SNTG2: variants seen among roughly 807,000 people sequenced by gnomAD.
SNTG2 encodes syntrophin gamma 2.
In SNTG2, 74 loss-of-function variants were observed where a neutral mutation model predicts 70.9. The ratio of observed to expected loss-of-function variants is 1.04; its 90% CI spans 0.86 to 1.27. SNTG2 has a LOEUF of 1.27. Ranked by LOEUF, SNTG2 falls within the 50% of genes most tolerant of loss-of-function variation. The pLI is 0.00. For missense variants in SNTG2, 717 were observed against 690.7 expected (o/e 1.04, Z -0.43); for synonymous variants, 278 against 273.8 (o/e 1.02, Z -0.15).
At chr2:1,016,771 A>G (rs1659907734) in intron 1 of SNTG2, among the ~76,000 whole-genome samples, 1 of 152,248 alleles carries the variant, frequency 6.6e-6, no homozygotes, top group Non-Finnish European at 1.5e-5. Context: ...TGTGTGACAC[A>G]TATTCACTTT....
At chr2:1,307,720 C>A (rs1680765051) in intron 14 of SNTG2, among the ~76,000 whole-genome samples, 1 of 152,204 alleles carries the variant, frequency 6.6e-6, no homozygotes, top group Admixed American at 6.5e-5. Flanking sequence ...CGTCTGGAGT[C>A]GCATGAAAAC....
chr2:1,006,312 T>TA (rs554375122), intron 1 of SNTG2, among the ~76,000 whole-genome samples: 4,321 of 150,734 alleles, frequency 0.029, 80 homozygotes, highest in South Asian at 0.066. Context: ...AAGGTATAAT[T>TA]AAAAAAAAGA....
intron 6 of SNTG2, among the ~76,000 whole-genome samples, chr2:1,140,480 C>T (rs1668671808): frequency 6.6e-6 from 1 of 152,170 alleles, no homozygotes; most frequent in Non-Finnish European, 1.5e-5. Flanking sequence ...TGGGATGTCT[C>T]GGGGGCGGGC....
At chr2:1,143,091 G>A (rs1285023464) in intron 6 of SNTG2, among the ~76,000 whole-genome samples, 1 of 152,162 alleles carries the variant, frequency 6.6e-6, no homozygotes, top group East Asian at 1.9e-4. Flanking sequence ...GGGGAGGAAG[G>A]GGAAGGAAAG....
chr2:1,117,387 A>T (rs545007976), intron 4 of SNTG2, among the ~76,000 whole-genome samples: 1 of 152,286 alleles, frequency 6.6e-6, no homozygotes, highest in African/African-American at 2.4e-5. Context: ...ATTTTAATAG[A>T]AACAACTTTT....
rs985837025 is a variant in SNTG2, at chr2:1,161,376, GAGAGAT to G, written c.412-4166_412-4161del. ...CTTTTAGATGCTGTGTTGAGAGAGA[GAGAGAT>G]AGAGAGAGAGACAGAAAAGGGGAAA... On this transcript the variant is annotated intron_variant, in intron 6 of 16. Transcript: ENST00000308624. 279 of 75,506 alleles carry G rather than the reference GAGAGAT, an allele frequency of 3.7e-3. 2 individuals are homozygous for G. The highest frequency in any genetic ancestry group is 9.0e-3 in the African/African-American group (267 of 29,602). The allele number at this position is 75,506 out of a possible 1,614,324, so 4.7% of individuals were successfully genotyped here. A position where few individuals can be genotyped will look rare whatever the true frequency, so the allele number is the denominator to read the frequency against.
rs529957221 is a variant in SNTG2, at chr2:1,115,238, A to G, written c.325+16828A>G. 7.6e-5 allele frequency among the ~76,000 whole-genome samples: 11 copies of G among 143,932 alleles called. No individual in the cohort carries two copies. The South Asian group carries it at 9.1e-4, about 12-fold the overall frequency. The allele number at this position is 143,932 out of a possible 152,430, so 94.4% of individuals were successfully genotyped here. On this transcript the variant is annotated intron_variant, in intron 4 of 16. Coordinates refer to ENST00000308624, the MANE Select transcript of SNTG2 (RefSeq NM_018968.4). ...AATGTTTAACCCCTATAGTTCTTTG[A>G]GGAGAATTTCGTGTACTGAGGTTTA...
At chr2:1,256,645 C>G (rs895792154) in intron 12 of SNTG2, 2 of 151,868 alleles carry the variant, frequency 1.3e-5, no homozygotes, top group African/African-American at 2.4e-5. Flanking sequence ...CTGGCAGAAA[C>G]TCAGAGGAAC....
chr2:1,106,214 C>G (rs1206516045), intron 4 of SNTG2, among the ~76,000 whole-genome samples: 1 of 114,246 alleles, frequency 8.8e-6, no homozygotes. Flanking sequence ...ATGGAGAGCT[C>G]CTTGGTAATA....
intron 2 of SNTG2, among the ~76,000 whole-genome samples, chr2:1,095,132 T>A (rs1293782290): frequency 6.6e-6 from 1 of 152,186 alleles, no homozygotes; most frequent in Non-Finnish European, 1.5e-5. Flanking sequence ...TGCTGTCTTT[T>A]CCTGTTCCAA....
At chr2:1,352,177 A>G (rs1478134690) in intron 16 of SNTG2, among the ~76,000 whole-genome samples, 5 of 152,110 alleles carry the variant, frequency 3.3e-5, no homozygotes. Context: ...TGTAAAAATC[A>G]TTTACTCCTC....
intron 14 of SNTG2, among the ~76,000 whole-genome samples, chr2:1,280,775 T>TA (rs1428604869): frequency 1.3e-5 from 2 of 152,260 alleles, no homozygotes; most frequent in East Asian, 3.8e-4. Flanking sequence ...ACAAACTTTC[T>TA]GAAAGTATCT....
intron 9 of SNTG2, among the ~76,000 whole-genome samples, chr2:1,220,299 G>T (rs891023117): frequency 6.6e-6 from 1 of 152,268 alleles, no homozygotes; most frequent in Non-Finnish European, 1.5e-5. Flanking sequence ...CAGAGCGTGG[G>T]CTGTGTCAGC....
intron 1 of SNTG2, among the ~76,000 whole-genome samples, chr2:993,465 A>C (rs1279313311): frequency 3.3e-5 from 5 of 152,122 alleles, no homozygotes; most frequent in Admixed American, 6.5e-5. Flanking sequence ...GATGCTGTAA[A>C]TATTTATGTG....
At chr2:1,330,719 C>T (rs1659480520) in intron 16 of SNTG2, among the ~76,000 whole-genome samples, 1 of 152,086 alleles carries the variant, frequency 6.6e-6, no homozygotes, top group African/African-American at 2.4e-5. Flanking sequence ...GCATTGTGAC[C>T]ATTGTTTTTT....
intron 12 of SNTG2, among the ~76,000 whole-genome samples, chr2:1,255,909 T>TATATATATAA (rs1288157309): frequency 1.2e-3 from 72 of 58,884 alleles, no homozygotes; most frequent in South Asian, 1.8e-3. Context: ...TATATATAAA[T>TATATATATAA]ATATATATAA....
chr2:1,118,994 C>G (rs1300881792), intron 4 of SNTG2, among the ~76,000 whole-genome samples: 1 of 151,722 alleles, frequency 6.6e-6, no homozygotes, highest in Non-Finnish European at 1.5e-5. Context: ...TGTCAAAAGT[C>G]AAAGGCAAAA....
intron 1 of SNTG2, among the ~76,000 whole-genome samples, chr2:959,178 G>GA (rs567483666): frequency 1.8e-4 from 27 of 152,164 alleles, no homozygotes; most frequent in African/African-American, 4.3e-4. Flanking sequence ...TCTAGTAGCT[G>GA]AAAAAAGGAA....
chr2:1,147,296 G>A (rs1669164666), intron 6 of SNTG2, among the ~76,000 whole-genome samples: 1 of 152,198 alleles, frequency 6.6e-6, no homozygotes, highest in African/African-American at 2.4e-5. Context: ...GTCTGTGAGG[G>A]TGTTGCCAAA....
Sources: gnomAD v4.1 joint callset for allele counts (sites outside exome capture counted in the v4.1 genomes callset) on GRCh38, gnomAD v4.1.1 for gene constraint, MANE v1.5 for transcripts, NCBI Gene and HGNC (gene_info 2026-07-23, HGNC 2026-07-21) for gene names.